P4HA1: variants seen among roughly 807,000 people sequenced by gnomAD.
P4HA1 encodes the protein prolyl 4-hydroxylase subunit alpha-1.
P4HA1 carries 24 observed loss-of-function variants against 72.8 expected under a neutral mutation model. The ratio of observed to expected loss-of-function variants is 0.33; its 90% CI spans 0.24 to 0.46. P4HA1 has a LOEUF of 0.46. Ranked by LOEUF, P4HA1 falls within the 20% of genes least tolerant of loss-of-function variation. The pLI is 1.00. For synonymous variants in P4HA1, 201 were observed against 218.8 expected (o/e 0.92, Z 0.72); for missense variants, 446 against 640.6 (o/e 0.70, Z 3.28).
chr10:73,022,706 A>C (rs1840164840), intron 10 of P4HA1, among the ~76,000 whole-genome samples: 1 of 152,108 alleles, frequency 6.6e-6, no homozygotes, highest in Non-Finnish European at 1.5e-5. Context: ...CCAGCTAAAG[A>C]AGCATGTTCT....
intron 9 of P4HA1, chr10:73,043,859 A>T: frequency 6.6e-7 from 1 of 1,514,588 alleles, no homozygotes; most frequent in East Asian, 2.3e-5. Flanking sequence ...TCCAAATATG[A>T]CTAAAGTTCT....
Position 73,010,968 on chromosome 10 carries a change from CT to C in P4HA1, c.1437del (p.Gly480GlufsTer27). On this transcript the variant is annotated frameshift_variant and splice_region_variant, in exon 13 of 15. Transcript: ENST00000394890. LOFTEE classifies it high-confidence loss of function. ...ACCAAAAACAAAACAAACAGGCTTA[CT>C]TTTTTGGGCCAAACACTAGCTCCAA... The part of the protein sequence containing the change: ...PEVGASVWPK[K>X]GTAVFWYNLF... The C allele has an allele frequency of 6.2e-7, 1 of 1,611,996 alleles. No individual in the cohort carries two copies. The highest frequency in any genetic ancestry group is 8.5e-7 in the Non-Finnish European group (1 of 1,178,390).
intron 10 of P4HA1, among the ~76,000 whole-genome samples, chr10:73,017,202 T>G (rs1043178667): frequency 6.2e-5 from 9 of 144,092 alleles, no homozygotes; most frequent in South Asian, 2.1e-4. Context: ...TACAGATGTA[T>G]ATATAGATAT....
At chr10:73,096,421 G>GAA (rs1266264016) in intron 1 of P4HA1, among the ~76,000 whole-genome samples, 1 of 143,038 alleles carries the variant, frequency 7.0e-6, no homozygotes, top group East Asian at 2.0e-4. Flanking sequence ...GGGGAACTTG[G>GAA]AAAAAAAAAA....
At chr10:73,071,945 C>T in intron 4 of P4HA1, 84 bp downstream of exon 4, 2 of 1,146,246 alleles carry the variant, frequency 1.7e-6, no homozygotes, top group East Asian at 2.4e-5. Flanking sequence ...GAACTGGTTT[C>T]CTGGGAACTG....
In P4HA1 at chr10:73,041,547, C is replaced by G. The variant is rs868191912; in HGVS notation, c.1148+3434G>C. On this transcript the variant is annotated intron_variant, in intron 9 of 14. Coordinates refer to ENST00000394890, the MANE Select transcript of P4HA1 (RefSeq NM_001017962.3). Reference sequence around the variant, plus strand: ...GACAGAGCAAGACTCCATCCCCCCCCCAAAAAAAAAAAAAAAGAATTCTCT... The same window carrying G: ...GACAGAGCAAGACTCCATCCCCCCCGCAAAAAAAAAAAAAAAGAATTCTCT... Among the ~76,000 whole-genome samples the G allele has an allele frequency of 8.2e-5, 12 of 146,616 alleles. 1 individual carries two copies. Among genetic ancestry groups the G allele is most frequent in the East Asian group, 5.9e-4 (3 of 5,092 alleles).
intron 5 of P4HA1, among the ~76,000 whole-genome samples, chr10:73,062,045 GA>G (rs1369647091): frequency 6.6e-6 from 1 of 152,092 alleles, no homozygotes; most frequent in Admixed American, 6.5e-5. Flanking sequence ...ATAAAGACCT[GA>G]TCAGTTAGAT....
At chr10:73,025,886 G>A (rs1356671620) in intron 10 of P4HA1, among the ~76,000 whole-genome samples, 2 of 152,076 alleles carry the variant, frequency 1.3e-5, no homozygotes, top group African/African-American at 2.4e-5. Context: ...AAAATACCTA[G>A]GAATCCAACT....
rs149085423 is a variant in P4HA1, at chr10:73,073,806, T to C, written c.98A>G (p.His33Arg). 4 of 1,570,548 alleles carry C rather than the reference T, an allele frequency of 2.5e-6. No homozygotes were observed. In the African/African-American group the frequency reaches 5.4e-5, roughly 21 times the overall value. Residue 33 changes from histidine (H) to arginine (R), a missense_variant, in exon 3 of 15, where the codon CAT (histidine) becomes CGT (arginine). By Grantham distance (29) the His-to-Arg change is conservative. Coordinates refer to ENST00000394890, the MANE Select transcript of P4HA1 (RefSeq NM_001017962.3). ...AGAAGTCACCAGATCTTTCTCAGTA[T>C]GGATCAAATCAGTCATCTGACCTAG... ...TSIGQMTDLI[H>R]TEKDLVTSLK...
At chr10:73,073,655 C>T (rs1237945556) in intron 3 of P4HA1, 76 bp downstream of exon 3, 2 of 783,480 alleles carry the variant, frequency 2.6e-6, no homozygotes, top group African/African-American at 3.4e-5. Context: ...TTCATTTCTA[C>T]TTAAAGAATA....
At chr10:73,074,071 A>C (rs1841633137) in intron 2 of P4HA1, 1 of 439,278 alleles carries the variant, frequency 2.3e-6, no homozygotes, top group African/African-American at 2.0e-5. Flanking sequence ...TGTGCTAGCA[A>C]ATTGTCTTTA....
intron 4 of P4HA1, among the ~76,000 whole-genome samples, chr10:73,069,382 G>A (rs78374631): frequency 0.069 from 10,464 of 152,180 alleles, 619 homozygotes; most frequent in East Asian, 0.3. Flanking sequence ...CCAGATAACA[G>A]ATGGTAAGTA....
chr10:73,077,479 C>T (rs1419171920), intron 1 of P4HA1, among the ~76,000 whole-genome samples: 2 of 151,996 alleles, frequency 1.3e-5, no homozygotes, highest in African/African-American at 2.4e-5. Flanking sequence ...TATTTTTCTT[C>T]GAATAGCTTG....
intron 8 of P4HA1, 25 bp downstream of exon 8, chr10:73,046,900 G>T: frequency 6.6e-7 from 1 of 1,513,242 alleles, no homozygotes; most frequent in South Asian, 1.2e-5. Context: ...GTAAATTGAG[G>T]AGAAAGAAAG....
At chr10:73,076,855 C>T (rs1216434037) in intron 1 of P4HA1, among the ~76,000 whole-genome samples, 1 of 152,144 alleles carries the variant, frequency 6.6e-6, no homozygotes, top group African/African-American at 2.4e-5. Context: ...TCCTATGTGA[C>T]GTGAGCTAAA....
chr10:73,036,482 T>C (rs994123296), intron 9 of P4HA1, among the ~76,000 whole-genome samples: 1 of 152,048 alleles, frequency 6.6e-6, no homozygotes, highest in African/African-American at 2.4e-5. Flanking sequence ...CTGCAACTTC[T>C]ACCTCCCGGG....
At chr10:73,056,658 A>G (rs1841154654) in intron 5 of P4HA1, among the ~76,000 whole-genome samples, 1 of 151,986 alleles carries the variant, frequency 6.6e-6, no homozygotes, top group Non-Finnish European at 1.5e-5. Context: ...ATAAATAAAA[A>G]TAAAAAATAC....
intron 10 of P4HA1, among the ~76,000 whole-genome samples, chr10:73,027,821 GGAGA>G (rs1204819227): frequency 7.5e-6 from 1 of 133,682 alleles, no homozygotes; most frequent in East Asian, 2.5e-4. Context: ...AGGAAGGAAG[GGAGA>G]GAGAGAGGAA....
At chr10:73,017,163 C>CTCTA (rs1289855870) in intron 10 of P4HA1, among the ~76,000 whole-genome samples, 8 of 141,440 alleles carry the variant, frequency 5.7e-5, no homozygotes, top group African/African-American at 2.3e-4. Context: ...ATATCTATAT[C>CTCTA]TACAGATGTA....
Sources: gnomAD v4.1 joint callset for allele counts (sites outside exome capture counted in the v4.1 genomes callset) on GRCh38, gnomAD v4.1.1 for gene constraint, MANE v1.5 for transcripts, NCBI Gene and HGNC (gene_info 2026-07-23, HGNC 2026-07-21) for gene names.